Variants in SFXN5 observed in about 807,000 individuals in gnomAD.
SFXN5 encodes the protein sideroflexin-5.
Under a neutral mutation model 50.2 loss-of-function variants are expected in SFXN5, and 43 were observed. The ratio of observed to expected loss-of-function variants is 0.86; its 90% CI spans 0.67 to 1.11. SFXN5 has a LOEUF of 1.11. Ranked by LOEUF, SFXN5 falls within the 50% of genes least tolerant of loss-of-function variation. The pLI, the probability that SFXN5 is intolerant of heterozygous loss-of-function variation, is 0.00. For missense variants in SFXN5, 463 were observed against 454.1 expected (o/e 1.02, Z -0.18); for synonymous variants, 203 against 185.8 (o/e 1.09, Z -0.75).
At chr2:73,005,165 C>T (rs557652841) in intron 6 of SFXN5, among the ~76,000 whole-genome samples, 2 of 152,342 alleles carry the variant, frequency 1.3e-5, no homozygotes, top group South Asian at 2.1e-4. Flanking sequence ...GAGCCAACAG[C>T]TATGATTTCT....
At position 72,992,654 on chromosome 2, in the gene SFXN5, C is replaced by T. The variant is rs1463474946; in HGVS notation, c.535-4306G>A. Among the ~76,000 whole-genome samples the T allele has an allele frequency of 3.9e-5, 6 of 152,188 alleles. No individual in the cohort carries two copies. In the South Asian group the frequency reaches 8.3e-4, roughly 21 times the overall value. Reference sequence around the variant, plus strand: ...AACCATGGCTCCCTGGTGCATCTCCCGGATGTCATGAATGCAGCTGTTTGC... The same window carrying T: ...AACCATGGCTCCCTGGTGCATCTCCTGGATGTCATGAATGCAGCTGTTTGC... On this transcript the variant is annotated intron_variant, in intron 9 of 13. Coordinates refer to ENST00000272433, the MANE Select transcript of SFXN5 (RefSeq NM_144579.3). This position sits in a 1 kb window ranked among gnomAD's most constrained non-coding sequence, Gnocchi z 4.5.
At chr2:72,969,509 C>T (rs1451075905) in intron 11 of SFXN5, among the ~76,000 whole-genome samples, 1 of 152,134 alleles carries the variant, frequency 6.6e-6, no homozygotes, top group African/African-American at 2.4e-5. Flanking sequence ...ATTCTCCAGC[C>T]TCAGCCTCTC....
chr2:73,035,050 T>C (rs1423502916), intron 3 of SFXN5, among the ~76,000 whole-genome samples: 1 of 152,216 alleles, frequency 6.6e-6, no homozygotes, highest in Non-Finnish European at 1.5e-5. Context: ...AGGAAAATAA[T>C]GCAACCTCTC....
intron 2 of SFXN5, among the ~76,000 whole-genome samples, chr2:73,052,948 C>A (rs1277505539): frequency 6.6e-6 from 1 of 152,190 alleles, no homozygotes; most frequent in Non-Finnish European, 1.5e-5. Context: ...GAGGCCAAGG[C>A]GGGCAGATCA....
intron 10 of SFXN5, among the ~76,000 whole-genome samples, chr2:72,984,106 A>C (rs933095979): frequency 1.3e-5 from 2 of 152,232 alleles, no homozygotes; most frequent in African/African-American, 4.8e-5. Context: ...TAAGCAAATT[A>C]ATTACCAGTC....
At chr2:73,000,345 T>C in intron 8 of SFXN5, 86 bp downstream of exon 8, 1 of 1,313,264 alleles carries the variant, frequency 7.6e-7, no homozygotes, top group Non-Finnish European at 1.1e-6. Flanking sequence ...AGGCAGCCAC[T>C]GATGGTGGCA....
intron 9 of SFXN5, among the ~76,000 whole-genome samples, chr2:72,989,342 G>A (rs987859990): frequency 2.0e-5 from 3 of 152,134 alleles, no homozygotes; most frequent in African/African-American, 7.2e-5. Context: ...TGGGACCTGA[G>A]GCAGGTAAGT....
chr2:72,952,519 C>T (rs1672647023), intron 13 of SFXN5, among the ~76,000 whole-genome samples: 1 of 152,184 alleles, frequency 6.6e-6, no homozygotes, highest in South Asian at 2.1e-4. Flanking sequence ...ACTGAAGTGC[C>T]TCGTGGGCAA....
At position 72,949,524 on chromosome 2, in the gene SFXN5, C is replaced by T. The variant is rs1672304910; in HGVS notation, c.946-4425G>A. Among the ~76,000 whole-genome samples, 5 of 152,082 alleles carry T rather than the reference C, an allele frequency of 3.3e-5. No individual in the cohort carries two copies. The South Asian group carries it at 1.0e-3, about 32-fold the overall frequency. On this transcript the variant is annotated intron_variant, in intron 13 of 13. Transcript: ENST00000272433. ...AGAGACAGGGTCTCGCTATGTTGTC[C>T]AGGCTGATCTTGAATTCTTGGCCTC...
intron 6 of SFXN5, among the ~76,000 whole-genome samples, chr2:73,003,882 TCCTAC>T (rs1359515291): frequency 6.6e-6 from 1 of 152,256 alleles, no homozygotes; most frequent in East Asian, 1.9e-4. Flanking sequence ...CATCCCAACC[TCCTAC>T]CCTAACATGG....
At chr2:72,988,129 C>A (rs1672129811) in intron 10 of SFXN5, 129 bp downstream of exon 10, 3 of 759,988 alleles carry the variant, frequency 3.9e-6, no homozygotes, top group Middle Eastern at 7.9e-4. Context: ...AAACATATTA[C>A]ACCAATTCTC....
rs553518820 is a variant in SFXN5, at chr2:73,008,702, T to C, written c.358-7124A>G. On this transcript the variant is annotated intron_variant, in intron 6 of 13. Transcript: ENST00000272433. Reference sequence around the variant, plus strand: ...TGGAAAGATACCTGAAGAAAGGGAGTGACGAACCGCAGAGCCTCAGGGACA... The same window carrying C: ...TGGAAAGATACCTGAAGAAAGGGAGCGACGAACCGCAGAGCCTCAGGGACA... Among the ~76,000 whole-genome samples, 134 of 151,926 alleles carry C rather than the reference T, an allele frequency of 8.8e-4. 1 individual carries two copies. The highest frequency in any genetic ancestry group is 9.8e-4 in the Admixed American group (15 of 15,270).
At chr2:73,057,774 G>A (rs182909890) in intron 2 of SFXN5, among the ~76,000 whole-genome samples, 115 of 152,228 alleles carry the variant, frequency 7.6e-4, no homozygotes, top group African/African-American at 2.2e-3. Flanking sequence ...TGCTGTTCTC[G>A]TGATAGTGAG....
At chr2:72,952,367 C>T (rs2105335837) in intron 13 of SFXN5, among the ~76,000 whole-genome samples, 1 of 152,290 alleles carries the variant, frequency 6.6e-6, no homozygotes, top group East Asian at 1.9e-4. Context: ...CCATCCCATC[C>T]CCAGGCACAG....
intron 1 of SFXN5, 141 bp downstream of exon 1, chr2:73,071,463 C>T: frequency 2.8e-6 from 2 of 711,794 alleles, no homozygotes; most frequent in Non-Finnish European, 2.3e-6. Context: ...GTGACTGTGA[C>T]CGAGGTTCCC....
At chr2:73,067,686 T>TG (rs900259309) in intron 1 of SFXN5, among the ~76,000 whole-genome samples, 7 of 152,048 alleles carry the variant, frequency 4.6e-5, no homozygotes, top group Admixed American at 6.6e-5. Flanking sequence ...GATTGGGTTG[T>TG]GGGGGGTGGG....
intron 13 of SFXN5, among the ~76,000 whole-genome samples, chr2:72,949,726 G>C (rs1672323586): frequency 6.6e-6 from 1 of 152,166 alleles, no homozygotes; most frequent in Non-Finnish European, 1.5e-5. Flanking sequence ...AGAAGTGCCA[G>C]GTCCTGCCCT....
At chr2:72,993,832 T>C (rs373388193) in intron 9 of SFXN5, among the ~76,000 whole-genome samples, 23 of 152,264 alleles carry the variant, frequency 1.5e-4, no homozygotes, top group African/African-American at 5.1e-4. Flanking sequence ...CCCTGTCTTA[T>C]AGGCGGCAGG....
At chr2:73,022,233 G>A (rs573676404) in intron 5 of SFXN5, among the ~76,000 whole-genome samples, 14 of 152,336 alleles carry the variant, frequency 9.2e-5, no homozygotes, top group South Asian at 2.1e-4. Flanking sequence ...CCTAGTGTGC[G>A]CTGAGTGATG....
Sources: allele counts gnomAD v4.1 joint callset (sites outside exome capture counted in the v4.1 genomes callset), GRCh38; gene constraint gnomAD v4.1.1; non-coding constraint Gnocchi (gnomAD v3.1); transcripts MANE v1.5; gene names NCBI Gene and HGNC (gene_info 2026-07-23, HGNC 2026-07-21).